The following ZNF821 variants were observed in gnomAD, a reference collection of about 807,000 sequenced individuals.
ZNF821 encodes the protein zinc finger protein 821.
In ZNF821, 16 loss-of-function variants were observed where a neutral mutation model predicts 44.3. The observed-to-expected ratio is 0.36, with a 90% CI of 0.24 to 0.55. The LOEUF (loss-of-function observed/expected upper bound fraction) is 0.55, where lower values mean the gene tolerates loss of function less well. Among genes scored for constraint, ZNF821 ranks in the 20% least tolerant of loss-of-function variants. The pLI, the probability that ZNF821 is intolerant of heterozygous loss-of-function variation, is 0.86. For missense variants in ZNF821, 436 were observed against 547.6 expected, an observed-to-expected ratio of 0.80 and a Z score of 2.03; for synonymous variants, 204 against 197.6, an observed-to-expected ratio of 1.03 and a Z score of -0.27.
chr16:71,860,431 G>T lies in ZNF821; in HGVS notation c.826C>A (p.Arg276=). ...CGGCTCTTCTTGGCCGTGCGCTCTCGTTCCAGCCGCTGCAGCCGTACTTCC... is the reference window on the plus strand; with the variant it reads ...CGGCTCTTCTTGGCCGTGCGCTCTCTTTCCAGCCGCTGCAGCCGTACTTCC... The part of the protein sequence containing the change: ...PLEVRLQRLE[R]ERTAKKSRRD... The change falls in exon 8 of 8, where the codon CGA becomes AGA. Residue 276 remains arginine, a synonymous_variant. Transcript: ENST00000425432. This position sits in a 1 kb window ranked among gnomAD's most constrained non-coding sequence, Gnocchi z 7.3. 1.2e-6 allele frequency: 2 copies of T among 1,613,534 alleles called. No individual in the cohort carries two copies. Among genetic ancestry groups the T allele is most frequent in the Non-Finnish European group, 1.7e-6 (2 of 1,180,028 alleles).
rs558209557 is a variant in ZNF821 at position 71,895,002 on chromosome 16, G to A, written n.335C>T. The A allele has an allele frequency of 1.3e-5, 8 of 607,626 alleles. No homozygotes were observed. In the African/African-American group the frequency reaches 1.3e-4, roughly 10 times the overall value. 37.6% of individuals were successfully genotyped at this position (607,626 alleles called of 1,614,324 possible). On this transcript the variant is annotated non_coding_transcript_exon_variant, in exon 1 of 3. Transcript: ENST00000561700. ...AAGGGCAACCGGACGGCTTAAAAGC[G>A]GGGCGGGGGAACGCTTAGAGCCCGT...
chr16:71,865,816 G>A (rs1239945879), intron 4 of ZNF821, among the ~76,000 whole-genome samples: 3 of 152,160 alleles, frequency 2.0e-5, no homozygotes, highest in African/African-American at 7.2e-5. Flanking sequence ...CCATTCTTTA[G>A]GATGAAATGT....
chr16:71,874,962 C>T (rs2035636861), intron 3 of ZNF821, among the ~76,000 whole-genome samples: 1 of 152,132 alleles, frequency 6.6e-6, no homozygotes, highest in South Asian at 2.1e-4. Context: ...AATAGAAGGT[C>T]CTCTGAAACT....
At chr16:71,867,058 G>T (rs2034624379) in intron 4 of ZNF821, among the ~76,000 whole-genome samples, 2 of 152,232 alleles carry the variant, frequency 1.3e-5, no homozygotes, top group African/African-American at 2.4e-5. Flanking sequence ...GGCTCAACTT[G>T]TAACAGCTAC....
At chr16:71,888,435 G>A (rs768302234), upstream of ZNF821, among the ~76,000 whole-genome samples, 10 of 151,720 alleles carry the variant, frequency 6.6e-5, no homozygotes, top group Non-Finnish European at 1.5e-4. Flanking sequence ...TTTTGAGTTA[G>A]TTTTTGCATA....
chr16:71,882,903 C>G (rs1328719493), intron 2 of ZNF821, among the ~76,000 whole-genome samples: 1 of 152,160 alleles, frequency 6.6e-6, no homozygotes, highest in East Asian at 1.9e-4. Context: ...AACACTGCCT[C>G]AATTTCCAAG....
At position 71,872,486 on chromosome 16, in the gene ZNF821, G is replaced by A. The variant is rs534032314; in HGVS notation, c.41-4449C>T. 5.8e-4 allele frequency among the ~76,000 whole-genome samples: 89 copies of A among 152,192 alleles called. 3 individuals carry two copies. In the South Asian group the frequency reaches 0.016, roughly 28 times the overall value. ...AACATTAGCCGGCGTGGTGGCAGGCGCCTGTAGTCCCAGCTACTCGGGAGG... is the reference window on the plus strand; with the variant it reads ...AACATTAGCCGGCGTGGTGGCAGGCACCTGTAGTCCCAGCTACTCGGGAGG... On this transcript the variant is annotated intron_variant, in intron 3 of 7. Transcript: ENST00000425432.
At chr16:71,872,337 G>T (rs1283349504) in intron 3 of ZNF821, among the ~76,000 whole-genome samples, 1 of 152,076 alleles carries the variant, frequency 6.6e-6, no homozygotes, top group Non-Finnish European at 1.5e-5. Context: ...AGATAGGCCG[G>T]GCGCGGTGGC....
chr16:71,861,004 C>T (rs940722731), intron 7 of ZNF821, among the ~76,000 whole-genome samples: 3 of 152,054 alleles, frequency 2.0e-5, no homozygotes, highest in Middle Eastern at 3.2e-3. Flanking sequence ...TACAGGCGCA[C>T]GCCACCACGC....
chr16:71,866,641 A>G (rs1369481820), intron 4 of ZNF821, among the ~76,000 whole-genome samples: 1 of 152,234 alleles, frequency 6.6e-6, no homozygotes, highest in Non-Finnish European at 1.5e-5. Flanking sequence ...TGTACTGTCT[A>G]GAGGGATAGT....
At chr16:71,893,692 C>T (rs1220915531) in intron 1 of ZNF821, among the ~76,000 whole-genome samples, 1 of 151,622 alleles carries the variant, frequency 6.6e-6, no homozygotes, top group African/African-American at 2.4e-5. Context: ...CTTCTTACCT[C>T]AGGTGATCCA....
At position 71,860,125 on chromosome 16, in the gene ZNF821, C is replaced by T. The variant is rs1365338771; in HGVS notation, c.1132G>A (p.Ala378Thr). 1 of 1,614,128 alleles carries T rather than the reference C, an allele frequency of 6.2e-7. No homozygotes were observed. Among genetic ancestry groups the T allele is most frequent in the African/African-American group, 1.3e-5 (1 of 74,946 alleles). Reference sequence around the variant, plus strand: ...AGCTGGAAGAAGTTCATTTCAGCTGCTAAGGCTGCCATGGCAGAAGGGTCC... The same window carrying T: ...AGCTGGAAGAAGTTCATTTCAGCTGTTAAGGCTGCCATGGCAGAAGGGTCC... ...GQDPSAMAAL[A>T]AEMNFFQLPV... Residue 378 changes from alanine to threonine, a missense_variant, in exon 8 of 8, where the codon GCA becomes ACA. Ala to Thr is a moderately conservative substitution (Grantham distance 58). This residue lies in a region of ZNF821 where 55 missense variants were observed against 56.9 expected (regional missense o/e 0.97). Coordinates refer to ENST00000425432, the MANE Select transcript of ZNF821 (RefSeq NM_001201552.2). The surrounding 1 kb of genome is among the most constrained non-coding windows in gnomAD (Gnocchi z 7.3).
upstream of ZNF821, among the ~76,000 whole-genome samples, chr16:71,888,984 C>A (rs1350282070): frequency 3.3e-5 from 5 of 152,134 alleles, no homozygotes; most frequent in Non-Finnish European, 7.3e-5. Flanking sequence ...TCGGGCCAAG[C>A]GAGGTGGCTC....
chr16:71,865,133 A>G, intron 4 of ZNF821, 85 bp from the exon 5 acceptor site: 2 of 1,525,264 alleles, frequency 1.3e-6, no homozygotes, highest in Non-Finnish European at 9.0e-7. Flanking sequence ...GGCAGTTACA[A>G]TAGAAAACAT....
intron 1 of ZNF821, among the ~76,000 whole-genome samples, chr16:71,891,793 AG>A (rs972689088): frequency 6.6e-6 from 1 of 151,984 alleles, no homozygotes; most frequent in African/African-American, 2.4e-5. Flanking sequence ...GCGGATCATG[AG>A]GTCAGGGGTT....
At position 71,883,910 on chromosome 16, in the gene ZNF821, G is replaced by C. The variant is rs1315918956; in HGVS notation, c.-143C>G. 6.6e-6 allele frequency: 1 copy of C among 152,306 alleles called. No homozygotes were observed. Among genetic ancestry groups the C allele is most frequent in the Non-Finnish European group, 1.5e-5 (1 of 68,166 alleles). The allele number at this position is 152,306 out of a possible 1,614,324, so 9.4% of individuals were successfully genotyped here. ...GGGAGGGCAGGGGGTCTTTTTACCC[G>C]GCGCCTCGGCGCTGCGCTGCGCTCT... On this transcript the variant is annotated splice_region_variant and 5_prime_UTR_variant, in exon 1 of 8. Coordinates refer to ENST00000425432, the MANE Select transcript of ZNF821 (RefSeq NM_001201552.2).
intron 1 of ZNF821, among the ~76,000 whole-genome samples, chr16:71,889,881 C>T (rs962121412): frequency 1.3e-5 from 2 of 152,000 alleles, no homozygotes; most frequent in African/African-American, 4.8e-5. Context: ...TCATCTGGGC[C>T]CAAGATCATG....
At chr16:71,894,819 G>A in intron 1 of ZNF821, 1 of 1,533,592 alleles carries the variant, frequency 6.5e-7, no homozygotes, top group African/African-American at 1.4e-5. Flanking sequence ...GTCCCTTCCA[G>A]GCTTAAGCAG....
At chr16:71,863,380 T>G (rs2034136513) in intron 6 of ZNF821, among the ~76,000 whole-genome samples, 1 of 150,486 alleles carries the variant, frequency 6.6e-6, no homozygotes, top group Non-Finnish European at 1.5e-5. Flanking sequence ...TCTAAAATGT[T>G]GGAAGCTTGG....
Sources: allele counts gnomAD v4.1 joint callset (sites outside exome capture counted in the v4.1 genomes callset), GRCh38; gene constraint gnomAD v4.1.1; regional missense constraint gnomAD v4.1.1; non-coding constraint Gnocchi (gnomAD v3.1); transcripts MANE v1.5; gene names NCBI Gene and HGNC (gene_info 2026-07-23, HGNC 2026-07-21).